Variants in ABCD3 observed in about 807,000 individuals in gnomAD.
ABCD3 encodes ATP-binding cassette sub-family D member 3.
A neutral mutation model predicts 105.5 loss-of-function variants in ABCD3; 41 were observed. That is an observed-to-expected ratio of 0.39 (90% confidence interval 0.30 to 0.50). ABCD3 has a LOEUF of 0.50. Among genes scored for constraint, ABCD3 ranks in the 20% least tolerant of loss-of-function variants. The pLI is 0.84. For missense variants in ABCD3, 622 were observed against 806.3 expected (o/e 0.77, Z 2.77); for synonymous variants, 258 against 269.0 (o/e 0.96, Z 0.40).
At chr1:94,422,430 C>G (rs1050308668) in intron 1 of ABCD3, among the ~76,000 whole-genome samples, 1 of 152,216 alleles carries the variant, frequency 6.6e-6, no homozygotes, top group African/African-American at 2.4e-5. Flanking sequence ...AACCATCCCC[C>G]AACTCAACCC....
intron 1 of ABCD3, among the ~76,000 whole-genome samples, chr1:94,439,544 A>G (rs1660058417): frequency 6.6e-6 from 1 of 152,168 alleles, no homozygotes; most frequent in Non-Finnish European, 1.5e-5. Context: ...CAGGAGGCTG[A>G]TACAGGAGAA....
chr1:94,437,788 A>G (rs781016534), intron 1 of ABCD3, among the ~76,000 whole-genome samples: 4 of 152,198 alleles, frequency 2.6e-5, no homozygotes, highest in African/African-American at 4.8e-5. Context: ...TCAGTACTCT[A>G]GGTGCCATTA....
At chr1:94,455,735 A>G (rs1166718622) in intron 1 of ABCD3, 1 of 774,650 alleles carries the variant, frequency 1.3e-6, no homozygotes, top group African/African-American at 1.8e-5. Context: ...TGAACAAGGT[A>G]TTTCATGGAA....
chr1:94,425,887 T>C (rs1173768229), intron 1 of ABCD3, among the ~76,000 whole-genome samples: 1 of 152,210 alleles, frequency 6.6e-6, no homozygotes, highest in Non-Finnish European at 1.5e-5. Flanking sequence ...GTAGGTTCAA[T>C]TTTTCCTTTG....
At chr1:94,464,336 A>T (rs1296332403) in intron 2 of ABCD3, among the ~76,000 whole-genome samples, 9 of 150,376 alleles carry the variant, frequency 6.0e-5, no homozygotes, top group East Asian at 3.9e-4. Context: ...TTTTTTTTTT[A>T]AATATGGTGT....
At chr1:94,431,402 G>T in intron 1 of ABCD3, among the ~76,000 whole-genome samples, 1 of 152,006 alleles carries the variant, frequency 6.6e-6, no homozygotes, top group Non-Finnish European at 1.5e-5. Flanking sequence ...CAGATGCTGG[G>T]TTTTCAGATG....
the ABCD3 span, among the ~76,000 whole-genome samples, chr1:94,386,081 A>G: frequency 3.4e-5 from 5 of 145,950 alleles, no homozygotes; most frequent in East Asian, 1.9e-4. Context: ...CTTTCTCTCA[A>G]TATGTTTTAT....
intron 1 of ABCD3, among the ~76,000 whole-genome samples, chr1:94,435,359 A>G (rs1020371315): frequency 6.6e-6 from 1 of 152,074 alleles, no homozygotes; most frequent in Admixed American, 6.6e-5. Context: ...GGGCAACGTA[A>G]TGAGACCCTG....
At chr1:94,390,162 G>C in the ABCD3 span, among the ~76,000 whole-genome samples, 5 of 152,174 alleles carry the variant, frequency 3.3e-5, no homozygotes. Flanking sequence ...TGATGTGGCA[G>C]ACCTGATTTA....
intron 9 of ABCD3, 90 bp from the exon 10 acceptor site, chr1:94,483,080 A>G (rs1316921466): frequency 2.3e-6 from 2 of 856,206 alleles, no homozygotes; most frequent in Non-Finnish European, 3.9e-6. Context: ...CCATTTAAAT[A>G]CAAACATTCA....
Position 94,438,301 on chromosome 1 carries a change from TACACACACACACAC to T in ABCD3, c.110+19743_110+19756del, listed in dbSNP as rs58959540. 9.0e-3 allele frequency among the ~76,000 whole-genome samples: 1,151 copies of T among 128,284 alleles called. 17 individuals carry two copies. Among genetic ancestry groups the T allele is most frequent in the African/African-American group, 0.029 (1,032 of 35,494 alleles). 84.2% of individuals were successfully genotyped at this position (128,284 alleles called of 152,430 possible). A position where few individuals can be genotyped will look rare whatever the true frequency, so the allele number is the denominator to read the frequency against. The stretch of plus-strand genomic sequence containing the variant: ...ACTCCATCACACACACACACACACA[TACACACACACACAC>T]ACACACACACACACACACACACACA... On this transcript the variant is annotated intron_variant, in intron 1 of 22. Coordinates refer to ENST00000370214, the MANE Select transcript of ABCD3 (RefSeq NM_002858.4).
the ABCD3 span, among the ~76,000 whole-genome samples, chr1:94,403,292 C>T: frequency 1.3e-5 from 2 of 152,164 alleles, no homozygotes; most frequent in Non-Finnish European, 1.5e-5. Context: ...AGATATCCAT[C>T]TTTCCTACAT....
the ABCD3 span, among the ~76,000 whole-genome samples, chr1:94,395,687 A>G: frequency 6.6e-6 from 1 of 152,218 alleles, no homozygotes; most frequent in Non-Finnish European, 1.5e-5. Context: ...TGGATCTGAA[A>G]GAGCAAGTAA....
rs375816342 is a variant in ABCD3 at position 94,498,932 on chromosome 1, C to T, written c.1531-13C>T. Reference sequence around the variant, plus strand: ...ATGTTGCTTCTAATTGACTTTTGCTCTACTACTGTCAGAGACCTTACATGA... The same window carrying T: ...ATGTTGCTTCTAATTGACTTTTGCTTTACTACTGTCAGAGACCTTACATGA... On this transcript the variant is annotated splice_polypyrimidine_tract_variant and intron_variant, in intron 18 of 22. Transcript: ENST00000370214. The T allele has an allele frequency of 1.6e-4, 259 of 1,612,590 alleles. No homozygotes were observed. The highest frequency in any genetic ancestry group is 2.1e-4 in the Non-Finnish European group (249 of 1,178,960).
At chr1:94,424,996 G>C (rs1448947784) in intron 1 of ABCD3, among the ~76,000 whole-genome samples, 1 of 151,954 alleles carries the variant, frequency 6.6e-6, no homozygotes, top group Non-Finnish European at 1.5e-5. Flanking sequence ...TCATTTTTTG[G>C]GGGCTGTGGT....
chr1:94,465,975 A>T (rs1381420991), intron 3 of ABCD3, among the ~76,000 whole-genome samples: 1 of 151,998 alleles, frequency 6.6e-6, no homozygotes, highest in African/African-American at 2.4e-5. Context: ...GTTCCCAAAG[A>T]AAACGTACAT....
chr1:94,406,399 C>A, the ABCD3 span: 1 of 315,756 alleles, frequency 3.2e-6, no homozygotes, highest in Admixed American at 3.5e-5. Context: ...ACTTACTATG[C>A]CATGAATTCA....
intron 7 of ABCD3, among the ~76,000 whole-genome samples, chr1:94,477,941 A>G (rs1557679674): frequency 6.6e-6 from 1 of 152,230 alleles, no homozygotes; most frequent in Non-Finnish European, 1.5e-5. Flanking sequence ...TTATATTGAC[A>G]CATTACTGAG....
intron 16 of ABCD3, among the ~76,000 whole-genome samples, chr1:94,495,187 T>A (rs1320609047): frequency 3.3e-5 from 5 of 152,218 alleles, no homozygotes; most frequent in Non-Finnish European, 5.9e-5. Flanking sequence ...TACTTTTATA[T>A]AATTTTTCTT....
Sources: allele counts gnomAD v4.1 joint callset (sites outside exome capture counted in the v4.1 genomes callset), GRCh38; gene constraint gnomAD v4.1.1; transcripts MANE v1.5; gene names NCBI Gene and HGNC (gene_info 2026-07-23, HGNC 2026-07-21).